RSRC1: variants seen among roughly 807,000 people sequenced by gnomAD.
The protein encoded by RSRC1 is arginine and serine rich coiled-coil 1, also known as serine/Arginine-related protein 53.
In RSRC1, 39 loss-of-function variants were observed where a neutral mutation model predicts 49.1. The observed-to-expected ratio is 0.79, with a 90% CI of 0.61 to 1.04. The LOEUF (loss-of-function observed/expected upper bound fraction) is 1.04, where lower values mean the gene tolerates loss of function less well. Ranked by LOEUF, RSRC1 falls within the 50% of genes least tolerant of loss-of-function variation. The pLI, the probability that RSRC1 is intolerant of heterozygous loss-of-function variation, is 0.00. For synonymous variants in RSRC1, 143 were observed against 130.8 expected, an observed-to-expected ratio of 1.09 and a Z score of -0.63; for missense variants, 388 against 402.4, an observed-to-expected ratio of 0.96 and a Z score of 0.31.
intron 6 of RSRC1, among the ~76,000 whole-genome samples, chr3:158,453,284 T>C (rs542469972): frequency 5.9e-5 from 9 of 151,988 alleles, no homozygotes; most frequent in Admixed American, 1.3e-4. Flanking sequence ...TGTGCACACA[T>C]ATCTATAGAA....
At chr3:158,153,563 T>C (rs1454339322) in intron 3 of RSRC1, among the ~76,000 whole-genome samples, 1 of 152,172 alleles carries the variant, frequency 6.6e-6, no homozygotes, top group Non-Finnish European at 1.5e-5. Flanking sequence ...CTAGAAGACA[T>C]GATTTCAGAA....
At chr3:158,287,399 G>A (rs1362794013) in intron 4 of RSRC1, among the ~76,000 whole-genome samples, 1 of 152,082 alleles carries the variant, frequency 6.6e-6, no homozygotes, top group Admixed American at 6.5e-5. Context: ...TAGTGGAGAT[G>A]AAATATACTA....
chr3:158,447,107 G>A (rs1049994138), intron 6 of RSRC1, among the ~76,000 whole-genome samples: 28 of 152,124 alleles, frequency 1.8e-4, no homozygotes, highest in African/African-American at 6.7e-4. Context: ...GCTTTTAACA[G>A]GATTAAATCG....
At chr3:158,424,858 T>A (rs1735312838) in intron 6 of RSRC1, among the ~76,000 whole-genome samples, 1 of 152,076 alleles carries the variant, frequency 6.6e-6, no homozygotes, top group Non-Finnish European at 1.5e-5. Flanking sequence ...TTTTCTAGTT[T>A]ATTTGCGTAG....
chr3:158,523,745 C>G (rs1367476101), intron 7 of RSRC1, among the ~76,000 whole-genome samples: 1 of 152,098 alleles, frequency 6.6e-6, no homozygotes, highest in African/African-American at 2.4e-5. Flanking sequence ...CATCAAAACT[C>G]TCACAAAATT....
At chr3:158,532,780 G>C (rs1444821395) in intron 7 of RSRC1, among the ~76,000 whole-genome samples, 1 of 151,532 alleles carries the variant, frequency 6.6e-6, no homozygotes, top group Non-Finnish European at 1.5e-5. Context: ...AGTACTAATG[G>C]TGTGTTTCCT....
chr3:158,335,840 A>G (rs1729852412), intron 5 of RSRC1, among the ~76,000 whole-genome samples: 2 of 152,222 alleles, frequency 1.3e-5, no homozygotes, highest in Non-Finnish European at 1.5e-5. Context: ...TTAATTGATG[A>G]ACAGTTAGAA....
chr3:158,173,964 A>G (rs1280587871), intron 3 of RSRC1, among the ~76,000 whole-genome samples: 2 of 151,872 alleles, frequency 1.3e-5, no homozygotes, highest in South Asian at 4.1e-4. Flanking sequence ...GGTGGAATTA[A>G]TAGTATATGA....
chr3:158,524,363 T>C (rs1711878831), intron 7 of RSRC1, among the ~76,000 whole-genome samples: 1 of 152,070 alleles, frequency 6.6e-6, no homozygotes, highest in Admixed American at 6.6e-5. Flanking sequence ...TCACCTTCAA[T>C]ATCATCTCAT....
intron 3 of RSRC1, among the ~76,000 whole-genome samples, chr3:158,172,618 T>A (rs1200644558): frequency 6.6e-6 from 1 of 152,204 alleles, no homozygotes; most frequent in East Asian, 1.9e-4. Flanking sequence ...AGCGTGTGTT[T>A]CTTCACATTT....
At chr3:158,275,403 AC>A (rs1278040933) in intron 4 of RSRC1, among the ~76,000 whole-genome samples, 1 of 152,190 alleles carries the variant, frequency 6.6e-6, no homozygotes, top group African/African-American at 2.4e-5. Flanking sequence ...AAAAGTCTGT[AC>A]CTGCCAAAAT....
intron 7 of RSRC1, among the ~76,000 whole-genome samples, chr3:158,464,140 G>A (rs1578512435): frequency 6.6e-6 from 1 of 151,894 alleles, no homozygotes; most frequent in African/African-American, 2.4e-5. Context: ...CTCTGTATGT[G>A]TTTGAAAATG....
intron 4 of RSRC1, among the ~76,000 whole-genome samples, chr3:158,269,518 A>ATTT (rs398062956): frequency 6.8e-6 from 1 of 147,406 alleles, no homozygotes; most frequent in Non-Finnish European, 1.5e-5. Flanking sequence ...CAGAAAACAG[A>ATTT]TTTTTTTTTT....
intron 6 of RSRC1, among the ~76,000 whole-genome samples, chr3:158,365,388 A>C (rs548028939): frequency 6.6e-6 from 1 of 152,088 alleles, no homozygotes; most frequent in Admixed American, 6.5e-5. Flanking sequence ...TATGAGTGAG[A>C]ACATGCGGTG....
intron 4 of RSRC1, among the ~76,000 whole-genome samples, chr3:158,223,138 A>G (rs528200271): frequency 1.3e-5 from 2 of 151,658 alleles, no homozygotes; most frequent in East Asian, 2.0e-4. Context: ...AGCACAGTCC[A>G]TTACTCATCT....
intron 7 of RSRC1, among the ~76,000 whole-genome samples, chr3:158,470,750 T>TC (rs569978557): frequency 7.2e-4 from 110 of 152,266 alleles, no homozygotes; most frequent in African/African-American, 2.5e-3. Flanking sequence ...TCTTAACATT[T>TC]CCACCCTATT....
intron 3 of RSRC1, among the ~76,000 whole-genome samples, chr3:158,171,953 T>TCAACAACAA (rs374799867): frequency 1.7e-4 from 25 of 151,150 alleles, no homozygotes; most frequent in African/African-American, 5.4e-4. Context: ...CTGTGTCGCT[T>TCAACAACAA]CAACAACAAC....
At chr3:158,303,362 G>A (rs1243508193) in intron 5 of RSRC1, 2 of 152,196 alleles carry the variant, frequency 1.3e-5, no homozygotes, top group Non-Finnish European at 2.9e-5. Context: ...ATCCTGATCA[G>A]TATGATGTTT....
At chr3:158,125,750 T>C (rs1261447300) in intron 3 of RSRC1, among the ~76,000 whole-genome samples, 3 of 152,158 alleles carry the variant, frequency 2.0e-5, no homozygotes. Context: ...ATCTGTAGTG[T>C]TGTTCAGGTC....
Sources: allele counts gnomAD v4.1 joint callset (sites outside exome capture counted in the v4.1 genomes callset), GRCh38; gene constraint gnomAD v4.1.1; transcripts MANE v1.5; gene names NCBI Gene and HGNC (gene_info 2026-07-23, HGNC 2026-07-21).